Variants in CORO2A observed in about 807,000 individuals in gnomAD.
CORO2A encodes coronin-2A.
CORO2A carries 47 observed loss-of-function variants against 62.4 expected under a neutral mutation model. The ratio of observed to expected loss-of-function variants is 0.75; its 90% CI spans 0.60 to 0.96. CORO2A has a LOEUF of 0.96. Ranked by LOEUF, CORO2A falls within the 40% of genes least tolerant of loss-of-function variation. The pLI is 0.00. For synonymous variants in CORO2A, 273 were observed against 268.9 expected (o/e 1.02, Z -0.15); for missense variants, 610 against 684.1 (o/e 0.89, Z 1.21).
At chr9:98,161,240 G>A (rs1357349967) in intron 1 of CORO2A, among the ~76,000 whole-genome samples, 1 of 152,086 alleles carries the variant, frequency 6.6e-6, no homozygotes, top group African/African-American at 2.4e-5. Flanking sequence ...GAGGGCAGTG[G>A]GGAGCTACTG....
Position 98,177,676 on chromosome 9 carries a change from C to T in CORO2A, c.-1+14883G>A, listed in dbSNP as rs548464808. Among the ~76,000 whole-genome samples, 8 of 151,252 alleles carry T rather than the reference C, an allele frequency of 5.3e-5. No homozygotes were observed. The South Asian group carries it at 1.5e-3, about 28-fold the overall frequency. On this transcript the variant is annotated intron_variant, in intron 1 of 11. Transcript: ENST00000375077. ...TAGTGATGGGGTTTCACCATGTTGG[C>T]CTGGCTGGTCTCGAACTCCTGACCT...
At chr9:98,128,931 A>G in intron 8 of CORO2A, among the ~76,000 whole-genome samples, 1 of 152,192 alleles carries the variant, frequency 6.6e-6, no homozygotes, top group Non-Finnish European at 1.5e-5. Flanking sequence ...AAATTATTTT[A>G]GCTGAATTTT....
intron 1 of CORO2A, among the ~76,000 whole-genome samples, chr9:98,159,593 C>A (rs188637813): frequency 1.7e-4 from 26 of 151,588 alleles, no homozygotes; most frequent in Admixed American, 1.3e-3. Context: ...ACCTCCTGTT[C>A]CCATCTCCAC....
chr9:98,191,469 C>T lies in CORO2A; in HGVS notation c.-1+1090G>A, dbSNP rs529439176. 5.3e-5 allele frequency among the ~76,000 whole-genome samples: 8 copies of T among 152,322 alleles called. No homozygotes were observed. The South Asian group carries it at 1.7e-3, about 32-fold the overall frequency. On this transcript the variant is annotated intron_variant, in intron 1 of 11. Coordinates refer to ENST00000375077, the MANE Select transcript of CORO2A (RefSeq NM_052820.4). Reference sequence around the variant, plus strand: ...AGATGAGCATATTTAAGGGACCTGACCACTGCCCCAGGGTGAGGGAGGAAG... The same window carrying T: ...AGATGAGCATATTTAAGGGACCTGATCACTGCCCCAGGGTGAGGGAGGAAG...
chr9:98,174,192 T>C (rs1828078831), intron 1 of CORO2A, among the ~76,000 whole-genome samples: 1 of 128,740 alleles, frequency 7.8e-6, no homozygotes, highest in African/African-American at 3.0e-5. Flanking sequence ...AAGTTCTCAA[T>C]AAACGGTAGC....
chr9:98,171,038 C>T (rs773779077), intron 1 of CORO2A, among the ~76,000 whole-genome samples: 15 of 152,132 alleles, frequency 9.9e-5, no homozygotes, highest in Admixed American at 3.9e-4. Context: ...ACCAAAACTC[C>T]ACACAGGTTT....
intron 1 of CORO2A, among the ~76,000 whole-genome samples, chr9:98,184,671 T>G (rs1828217413): frequency 6.6e-6 from 1 of 152,162 alleles, no homozygotes; most frequent in Non-Finnish European, 1.5e-5. Context: ...GGGGCTGTGA[T>G]CTGTGATGGG....
intron 1 of CORO2A, among the ~76,000 whole-genome samples, chr9:98,161,725 T>C (rs971711522): frequency 1.3e-5 from 2 of 151,986 alleles, no homozygotes; most frequent in Non-Finnish European, 2.9e-5. Flanking sequence ...GGGGAGAGGA[T>C]GTTACTGAAA....
intron 2 of CORO2A, among the ~76,000 whole-genome samples, chr9:98,156,077 G>T (rs1427601922): frequency 6.4e-5 from 8 of 124,188 alleles, no homozygotes; most frequent in African/African-American, 2.4e-4. Flanking sequence ...TTGAGACAGG[G>T]TCTCACTCTG....
At chr9:98,159,505 A>G (rs1827855605) in intron 1 of CORO2A, among the ~76,000 whole-genome samples, 1 of 151,458 alleles carries the variant, frequency 6.6e-6, no homozygotes, top group Admixed American at 6.6e-5. Flanking sequence ...CTTCCCCAGC[A>G]CCTGCTCTTG....
intron 1 of CORO2A, among the ~76,000 whole-genome samples, chr9:98,184,872 T>C (rs950526361): frequency 2.0e-5 from 3 of 152,156 alleles, no homozygotes. Context: ...CCCTAACCCC[T>C]AGGGGCTCCA....
At chr9:98,178,818 A>G (rs1320942723) in intron 1 of CORO2A, among the ~76,000 whole-genome samples, 1 of 152,246 alleles carries the variant, frequency 6.6e-6, no homozygotes, top group African/African-American at 2.4e-5. Context: ...GGGATAGAAG[A>G]TGAAGAGAGT....
chr9:98,181,159 C>T (rs1033863056), intron 1 of CORO2A, among the ~76,000 whole-genome samples: 1 of 151,246 alleles, frequency 6.6e-6, no homozygotes, highest in Non-Finnish European at 1.5e-5. Flanking sequence ...AGGCTGCTCC[C>T]ATGTTGCTTG....
chr9:98,126,624 C>T lies in CORO2A; in HGVS notation c.1371G>A (p.Arg457=), dbSNP rs764950745. Residue 457 remains arginine (R), a synonymous_variant, in exon 11 of 12, where the codon AGG becomes AGA. Transcript: ENST00000375077. The part of the protein sequence containing the change: ...EKMPRWAAEH[R]LEEKKTWLTN... ...TCAGCCAGGTTTTCTTCTCCTCCAG[C>T]CTGTGTTCTGCTGCCCACCTTGGCA... 15 of 1,614,044 alleles carry T rather than the reference C, an allele frequency of 9.3e-6. No individual in the cohort carries two copies. In the Admixed American group the frequency reaches 2.5e-4, roughly 27 times the overall value.
rs768671425 is a variant in CORO2A at position 98,133,126 on chromosome 9, G to C, written c.560C>G (p.Ser187Cys). The change falls in exon 5 of 12, where the codon TCC (serine) becomes TGC (cysteine). Residue 187 changes from serine to cysteine, a missense_variant. Physicochemically the swap from Ser to Cys is moderately radical, Grantham distance 112. Coordinates refer to ENST00000375077, the MANE Select transcript of CORO2A (RefSeq NM_052820.4). Reference protein sequence around the residue: ...SCHQDVILSMSFNTNGSLLAT... With the variant: ...SCHQDVILSMCFNTNGSLLAT... ...CAACAGGCTGCCGTTGGTGTTGAAG[G>C]ACATGGAGAGGATCACATCTTGGTG... 1 of 1,614,238 alleles carries C rather than the reference G, an allele frequency of 6.2e-7. No homozygotes were observed. The highest frequency in any genetic ancestry group is 8.5e-7 in the Non-Finnish European group (1 of 1,180,034).
At chr9:98,137,436 T>C in intron 3 of CORO2A, 136 bp downstream of exon 3, 1 of 732,432 alleles carries the variant, frequency 1.4e-6, no homozygotes, top group Non-Finnish European at 2.4e-6. Flanking sequence ...TACCTTAACT[T>C]AACACCTCCC....
At chr9:98,159,232 A>C (rs1398385498) in intron 1 of CORO2A, among the ~76,000 whole-genome samples, 2 of 152,074 alleles carry the variant, frequency 1.3e-5, no homozygotes, top group East Asian at 3.9e-4. Flanking sequence ...CTAATTAAAA[A>C]AATTTTTTTT....
At chr9:98,151,689 A>G (rs570004935) in intron 2 of CORO2A, among the ~76,000 whole-genome samples, 157 of 151,848 alleles carry the variant, frequency 1.0e-3, no homozygotes, top group South Asian at 2.7e-3. Flanking sequence ...TTGAGACGGA[A>G]TTTTGCTCTG....
At chr9:98,154,269 G>A (rs1588003073) in intron 2 of CORO2A, among the ~76,000 whole-genome samples, 2 of 144,010 alleles carry the variant, frequency 1.4e-5, no homozygotes, top group East Asian at 4.2e-4. Flanking sequence ...TTCCTTGAAA[G>A]TTTTGTAGGA....
Sources: gnomAD v4.1 joint callset for allele counts (sites outside exome capture counted in the v4.1 genomes callset) on GRCh38, gnomAD v4.1.1 for gene constraint, MANE v1.5 for transcripts, NCBI Gene and HGNC (gene_info 2026-07-23, HGNC 2026-07-21) for gene names.